Variants in CARF observed in about 807,000 individuals in gnomAD.
CARF encodes calcium-responsive transcription factor.
A neutral mutation model predicts 82.0 loss-of-function variants in CARF; 57 were observed. The ratio of observed to expected loss-of-function variants is 0.70; its 90% CI spans 0.56 to 0.87. The LOEUF (loss-of-function observed/expected upper bound fraction) is 0.87. Ranked by LOEUF, CARF falls within the 40% of genes least tolerant of loss-of-function variation. CARF has a pLI of 0.00. For missense variants in CARF, 771 were observed against 855.8 expected, an observed-to-expected ratio of 0.90 and a Z score of 1.24; for synonymous variants, 268 against 290.1, an observed-to-expected ratio of 0.92 and a Z score of 0.77.
chr2:202,928,152 G>A (rs754386437), intron 3 of CARF, among the ~76,000 whole-genome samples: 26 of 151,980 alleles, frequency 1.7e-4, no homozygotes, highest in South Asian at 4.2e-4. Flanking sequence ...CCCACCTCTA[G>A]TAACCATTAT....
intron 1 of CARF, among the ~76,000 whole-genome samples, chr2:202,917,043 T>C (rs1315363259): frequency 6.6e-6 from 1 of 151,672 alleles, no homozygotes; most frequent in Non-Finnish European, 1.5e-5. Flanking sequence ...ACCCTGTCTC[T>C]ACTGAAAATA....
At chr2:202,930,336 C>G (rs1559197071) in intron 3 of CARF, among the ~76,000 whole-genome samples, 1 of 152,172 alleles carries the variant, frequency 6.6e-6, no homozygotes. Context: ...CCTGAGCCAC[C>G]ACACCTGGCC....
chr2:202,917,502 G>A (rs909317998), intron 1 of CARF, among the ~76,000 whole-genome samples: 1 of 152,078 alleles, frequency 6.6e-6, no homozygotes, highest in Non-Finnish European at 1.5e-5. Flanking sequence ...TAGGGCATGG[G>A]GAGAAGAGCT....
intron 10 of CARF, among the ~76,000 whole-genome samples, 195 bp downstream of exon 10, chr2:202,967,293 G>A (rs1239803630): frequency 6.6e-6 from 1 of 152,172 alleles, no homozygotes; most frequent in Non-Finnish European, 1.5e-5. Flanking sequence ...GATATTCTGT[G>A]TATATGGATG....
chr2:202,956,494 A>G (rs967517700), intron 8 of CARF, among the ~76,000 whole-genome samples: 4 of 151,954 alleles, frequency 2.6e-5, no homozygotes, highest in African/African-American at 9.7e-5. Context: ...GAGGTGATCT[A>G]CCCACCTCAG....
At chr2:202,922,842 A>G (rs1303094452) in intron 2 of CARF, among the ~76,000 whole-genome samples, 1 of 151,988 alleles carries the variant, frequency 6.6e-6, no homozygotes, top group Admixed American at 6.5e-5. Context: ...AGAGCATCCC[A>G]GTTGGTAAAG....
At chr2:202,915,032 T>G (rs866340970) in intron 1 of CARF, among the ~76,000 whole-genome samples, 3 of 150,128 alleles carry the variant, frequency 2.0e-5, no homozygotes, top group Non-Finnish European at 4.4e-5. Flanking sequence ...TGGTTTTTTG[T>G]TTTTTTTCAG....
At chr2:202,935,695 G>A (rs1019286477) in intron 3 of CARF, among the ~76,000 whole-genome samples, 2 of 152,092 alleles carry the variant, frequency 1.3e-5, no homozygotes, top group African/African-American at 4.8e-5. Flanking sequence ...AGAGTGCTGG[G>A]ATTACCCGCA....
At chr2:202,955,843 A>C (rs1190676919) in intron 8 of CARF, 85 bp downstream of exon 8, 2 of 850,836 alleles carry the variant, frequency 2.4e-6, no homozygotes, top group Non-Finnish European at 3.8e-6. Context: ...GAGTACAACT[A>C]ATATAGTCTA....
intron 3 of CARF, among the ~76,000 whole-genome samples, chr2:202,928,840 C>T (rs1207248718): frequency 1.3e-5 from 2 of 152,136 alleles, no homozygotes; most frequent in Non-Finnish European, 2.9e-5. Flanking sequence ...GCCTCAGTCT[C>T]CCGGGCTTAG....
At chr2:202,919,564 C>T (rs982921216) in intron 2 of CARF, among the ~76,000 whole-genome samples, 5 of 152,006 alleles carry the variant, frequency 3.3e-5, no homozygotes, top group African/African-American at 9.7e-5. Context: ...TGGGTGGTGT[C>T]GGAGATAGAG....
At chr2:202,976,716 CTT>C (rs5837834) in intron 13 of CARF, among the ~76,000 whole-genome samples, 6 of 139,964 alleles carry the variant, frequency 4.3e-5, no homozygotes, top group Admixed American at 7.3e-5. Context: ...AACTCTTTGT[CTT>C]TTTTTTTTTT....
rs374028278 is a variant in CARF, at chr2:202,967,051, G to A, written c.906G>A (p.Glu302=). Reference sequence around the variant, plus strand: ...GTTTCCAGTTAAAAAAAGTCAGTGAGCAGGAAAGCAGGTCTTGTCAGCTCT... The same window carrying A: ...GTTTCCAGTTAAAAAAAGTCAGTGAACAGGAAAGCAGGTCTTGTCAGCTCT... ...RKGFQLKKVS[E]QESRSCQLYK... is the part of the protein sequence containing the mutation. The change falls in exon 10 of 17, where the codon GAG becomes GAA. Residue 302 remains glutamate, a synonymous_variant. Coordinates refer to ENST00000438828, the MANE Select transcript of CARF (RefSeq NM_024744.17). 1.2e-6 allele frequency: 2 copies of A among 1,613,936 alleles called. No individual in the cohort carries two copies. The highest frequency in any genetic ancestry group is 1.7e-6 in the Non-Finnish European group (2 of 1,179,988).
chr2:202,967,129 A>T, intron 10 of CARF, 31 bp downstream of exon 10: 1 of 1,604,028 alleles, frequency 6.2e-7, no homozygotes, highest in Non-Finnish European at 8.5e-7. Flanking sequence ...TTTGTTTTCT[A>T]TTAAGAACTT....
chr2:202,922,273 C>T (rs1242719342), intron 2 of CARF, among the ~76,000 whole-genome samples: 1 of 152,050 alleles, frequency 6.6e-6, no homozygotes, highest in East Asian at 1.9e-4. Context: ...CCACCACACC[C>T]AGCTAATTTT....
At chr2:202,931,782 G>A (rs1207466677) in intron 3 of CARF, among the ~76,000 whole-genome samples, 1 of 149,184 alleles carries the variant, frequency 6.7e-6, no homozygotes, top group Non-Finnish European at 1.5e-5. Context: ...ATAACTGGGT[G>A]CTCATTCTAA....
In CARF at chr2:202,918,007, T is replaced by C. The variant is rs913178618; in HGVS notation, c.-199T>C. ...ACATTTCTGGGGGTAGTAGAATGCT[T>C]GAGGCCTGGAATTTAAACCTGAGCC... On this transcript the variant is annotated 5_prime_UTR_variant, in exon 2 of 17. Coordinates refer to ENST00000438828, the MANE Select transcript of CARF (RefSeq NM_024744.17). 2.2e-6 allele frequency: 1 copy of C among 452,026 alleles called. No homozygotes were observed. The highest frequency in any genetic ancestry group is 1.6e-5 in the South Asian group (1 of 63,076). The allele number at this position is 452,026 out of a possible 1,614,324, so 28.0% of individuals were successfully genotyped here. A position where few individuals can be genotyped will look rare whatever the true frequency, so the allele number is the denominator to read the frequency against.
chr2:202,953,498 G>GTTGTTTTTT (rs772493519), intron 6 of CARF, among the ~76,000 whole-genome samples: 6 of 70,296 alleles, frequency 8.5e-5, no homozygotes, highest in Non-Finnish European at 9.9e-5. Context: ...TTTTTTTGTT[G>GTTGTTTTTT]TTTTTTTTTT....
intron 9 of CARF, chr2:202,962,563 T>C (rs887734443): frequency 2.6e-5 from 4 of 152,168 alleles, no homozygotes; most frequent in African/African-American, 9.7e-5. Flanking sequence ...ATCCTAGTTT[T>C]AATCTCCTTA....
Sources: gnomAD v4.1 joint callset for allele counts (sites outside exome capture counted in the v4.1 genomes callset) on GRCh38, gnomAD v4.1.1 for gene constraint, MANE v1.5 for transcripts, NCBI Gene and HGNC (gene_info 2026-07-23, HGNC 2026-07-21) for gene names.